Variants in FNDC3A observed in about 807,000 individuals in gnomAD.
The protein encoded by FNDC3A is fibronectin type III domain containing 3A, also known as fibronectin type-III domain-containing protein 3A.
A neutral mutation model predicts 148.9 loss-of-function variants in FNDC3A; 32 were observed. The ratio of observed to expected loss-of-function variants is 0.21; its 90% CI spans 0.16 to 0.29. FNDC3A has a LOEUF of 0.29. FNDC3A is among the 10% of genes least tolerant of loss of function. The pLI, the probability that FNDC3A is intolerant of heterozygous loss-of-function variation, is 1.00. For synonymous variants in FNDC3A, 472 were observed against 473.6 expected (o/e 1.00, Z 0.04); for missense variants, 1,191 against 1,452.8 (o/e 0.82, Z 2.93).
intron 2 of FNDC3A, among the ~76,000 whole-genome samples, chr13:49,065,851 TA>T (rs919209957): frequency 2.6e-5 from 4 of 152,140 alleles, no homozygotes; most frequent in Non-Finnish European, 1.5e-5. Flanking sequence ...TCTTTATTTG[TA>T]AAAAAATTAT....
At chr13:49,044,915 A>T in intron 2 of FNDC3A, 1 of 281,982 alleles carries the variant, frequency 3.5e-6, no homozygotes, top group Non-Finnish European at 7.1e-6. Flanking sequence ...GAAATGTATC[A>T]CATCTTTCAT....
intron 4 of FNDC3A, among the ~76,000 whole-genome samples, chr13:49,115,355 A>G (rs1456566430): frequency 6.6e-6 from 1 of 152,182 alleles, no homozygotes; most frequent in Non-Finnish European, 1.5e-5. Flanking sequence ...GAGATTTCGT[A>G]TGGTCTGCAC....
At chr13:49,168,868 C>T (rs978779835) in intron 10 of FNDC3A, 117 bp downstream of exon 10, 2 of 893,432 alleles carry the variant, frequency 2.2e-6, no homozygotes, top group Non-Finnish European at 3.5e-6. Context: ...CTGCTTTTTA[C>T]ATATAAGACA....
At chr13:49,144,805 G>A (rs2137964814) in intron 7 of FNDC3A, among the ~76,000 whole-genome samples, 1 of 152,230 alleles carries the variant, frequency 6.6e-6, no homozygotes, top group African/African-American at 2.4e-5. Context: ...AGACATTTTT[G>A]TACAGTTTTA....
chr13:49,181,954 TA>T (rs1218728358), intron 14 of FNDC3A, among the ~76,000 whole-genome samples: 2 of 152,020 alleles, frequency 1.3e-5, no homozygotes, highest in East Asian at 3.9e-4. Context: ...ATTTAAATGA[TA>T]AAGAAGAATG....
chr13:49,192,742 G>A (rs9562872), intron 19 of FNDC3A, among the ~76,000 whole-genome samples: 2 of 152,024 alleles, frequency 1.3e-5, no homozygotes, highest in Non-Finnish European at 2.9e-5. Context: ...TATATTTTCA[G>A]GTTTGTGATA....
intron 1 of FNDC3A, among the ~76,000 whole-genome samples, chr13:48,981,941 G>A (rs542103718): frequency 6.6e-6 from 1 of 152,200 alleles, no homozygotes; most frequent in East Asian, 1.9e-4. Flanking sequence ...TCTTCAGTGA[G>A]GGATTACTTT....
intron 2 of FNDC3A, chr13:49,045,726 A>G: frequency 9.5e-7 from 1 of 1,048,376 alleles, no homozygotes; most frequent in Non-Finnish European, 1.4e-6. Flanking sequence ...ATTTTCAAAA[A>G]CCCTGTCAGG....
At chr13:49,170,855 A>C (rs942792417) in intron 10 of FNDC3A, among the ~76,000 whole-genome samples, 2 of 152,220 alleles carry the variant, frequency 1.3e-5, no homozygotes, top group Admixed American at 6.5e-5. Context: ...TAATAGCCTC[A>C]CTGGAAAAAG....
chr13:49,203,397 C>T, intron 25 of FNDC3A, 113 bp downstream of exon 25: 1 of 717,626 alleles, frequency 1.4e-6, no homozygotes, highest in Non-Finnish European at 2.3e-6. Flanking sequence ...AATATTTATT[C>T]AGTATATATT....
chr13:49,190,686 T>C (rs912311516), intron 17 of FNDC3A, among the ~76,000 whole-genome samples: 1 of 152,182 alleles, frequency 6.6e-6, no homozygotes, highest in Non-Finnish European at 1.5e-5. Context: ...ATCAAAAATA[T>C]TGCCCATTAA....
At chr13:49,206,243 T>C (rs1886637195) in intron 25 of FNDC3A, among the ~76,000 whole-genome samples, 1 of 152,218 alleles carries the variant, frequency 6.6e-6, no homozygotes, top group African/African-American at 2.4e-5. Context: ...AGTATGTCTG[T>C]TATACTAAGG....
chr13:49,017,728 A>G (rs1872920035), intron 2 of FNDC3A, among the ~76,000 whole-genome samples: 1 of 152,012 alleles, frequency 6.6e-6, no homozygotes, highest in Admixed American at 6.5e-5. Flanking sequence ...ATGATTTTGC[A>G]GCAGCTGGTC....
At chr13:49,008,495 G>A (rs181260997) in intron 2 of FNDC3A, among the ~76,000 whole-genome samples, 257 of 152,218 alleles carry the variant, frequency 1.7e-3, no homozygotes, top group Middle Eastern at 3.4e-3. Flanking sequence ...AATTCAAGAC[G>A]ACATATTTTG....
chr13:49,126,133 A>C (rs1277840582), intron 4 of FNDC3A, among the ~76,000 whole-genome samples: 1 of 152,080 alleles, frequency 6.6e-6, no homozygotes. Flanking sequence ...GAGACTTAGC[A>C]AATAGTTTTG....
intron 2 of FNDC3A, among the ~76,000 whole-genome samples, chr13:49,048,356 A>G (rs1875575040): frequency 2.0e-5 from 3 of 151,890 alleles, no homozygotes; most frequent in Admixed American, 2.0e-4. Flanking sequence ...AATTGCATTG[A>G]ATTTGTAGAT....
intron 3 of FNDC3A, among the ~76,000 whole-genome samples, chr13:49,099,538 A>C (rs1879734701): frequency 6.6e-6 from 1 of 152,142 alleles, no homozygotes; most frequent in Non-Finnish European, 1.5e-5. Context: ...TGAGGAAATT[A>C]AATATTTCTG....
At chr13:49,133,837 T>G (rs1057008943) in intron 5 of FNDC3A, among the ~76,000 whole-genome samples, 99 of 152,216 alleles carry the variant, frequency 6.5e-4, no homozygotes, top group African/African-American at 2.3e-3. Context: ...CTCAGATCTA[T>G]TCAATGATTA....
intron 16 of FNDC3A, chr13:49,187,458 A>C: frequency 7.2e-7 from 1 of 1,385,772 alleles, no homozygotes; most frequent in Non-Finnish European, 1.0e-6. Context: ...CATATCTGTT[A>C]ATGGATGAAC....
Sources: gnomAD v4.1 joint callset for allele counts (sites outside exome capture counted in the v4.1 genomes callset) on GRCh38, gnomAD v4.1.1 for gene constraint, MANE v1.5 for transcripts, NCBI Gene and HGNC (gene_info 2026-07-23, HGNC 2026-07-21) for gene names.